HMGA2: variants seen among roughly 807,000 people sequenced by gnomAD.
HMGA2 encodes high mobility group protein HMGI-C.
A neutral mutation model predicts 19.1 loss-of-function variants in HMGA2; 8 were observed. The observed-to-expected ratio is 0.42, with a 90% CI of 0.25 to 0.76. HMGA2 has a LOEUF of 0.76. HMGA2 is among the 30% of genes least tolerant of loss of function. The pLI is 0.28. For missense variants in HMGA2, 109 were observed against 136.3 expected (o/e 0.80, Z 1.00); for synonymous variants, 60 against 48.8 (o/e 1.23, Z -0.96).
Position 65,825,343 on chromosome 12 carries a change from C to A in HMGA2, c.73C>A (p.Gln25Lys). 1 of 1,538,300 alleles carries A rather than the reference C, an allele frequency of 6.5e-7. No individual in the cohort carries two copies. Among genetic ancestry groups the A allele is most frequent in the South Asian group, 1.2e-5 (1 of 83,210 alleles). The change falls in exon 1 of 5, where the codon CAG becomes AAG. Residue 25 changes from glutamine (Q) to lysine (K), a missense_variant. Coordinates refer to ENST00000403681, the MANE Select transcript of HMGA2 (RefSeq NM_003483.6). The surrounding 1 kb of genome is among the most constrained non-coding windows in gnomAD (Gnocchi z 4.4). The stretch of plus-strand genomic sequence containing the variant: ...GGGACAACCTGCCGCCCCAGCGCCT[C>A]AGAAGAGAGGACGCGGCCGCCCCAG... ...AQGQPAAPAPQKRGRGRPRKQ... is the reference protein window; with the variant it reads ...AQGQPAAPAPKKRGRGRPRKQ...
intron 4 of HMGA2, chr12:65,958,690 G>A (rs1185418759): frequency 6.6e-6 from 1 of 152,144 alleles, no homozygotes; most frequent in Admixed American, 6.5e-5. Flanking sequence ...TTCCTGAGAA[G>A]TTGAACATAC....
At chr12:65,917,613 AAAACAGGCAG>A (rs1184496595) in intron 3 of HMGA2, among the ~76,000 whole-genome samples, 5 of 152,184 alleles carry the variant, frequency 3.3e-5, no homozygotes, top group Non-Finnish European at 5.9e-5. Flanking sequence ...CCAAACACAT[AAAACAGGCAG>A]AAGGGAGAAA....
At chr12:65,912,159 A>C (rs1874873707) in intron 3 of HMGA2, among the ~76,000 whole-genome samples, 1 of 152,178 alleles carries the variant, frequency 6.6e-6, no homozygotes, top group Non-Finnish European at 1.5e-5. Context: ...TACTTCACAG[A>C]ATGATTCTTC....
chr12:65,854,844 A>G (rs1192829349), intron 3 of HMGA2, among the ~76,000 whole-genome samples: 1 of 152,210 alleles, frequency 6.6e-6, no homozygotes, highest in Non-Finnish European at 1.5e-5. Context: ...GACTGTAGGA[A>G]TGTGGGGAGA....
chr12:65,926,387 C>T (rs1242995787), intron 3 of HMGA2, among the ~76,000 whole-genome samples: 3 of 152,196 alleles, frequency 2.0e-5, no homozygotes, highest in African/African-American at 7.2e-5. Flanking sequence ...AGTAGTTTTG[C>T]AAATTAAGTG....
chr12:65,858,423 T>C (rs369439336), intron 3 of HMGA2: 6 of 152,302 alleles, frequency 3.9e-5, no homozygotes, highest in African/African-American at 1.4e-4. Flanking sequence ...GTTTCTGTTA[T>C]CAACTTCAAA....
chr12:65,891,704 GAC>G (rs1051970568), intron 3 of HMGA2, among the ~76,000 whole-genome samples: 7 of 152,194 alleles, frequency 4.6e-5, no homozygotes, highest in African/African-American at 1.7e-4. Context: ...AGAGAGAAGA[GAC>G]AGGACACTAG....
At chr12:65,838,706 G>A in intron 3 of HMGA2, 137 bp downstream of exon 3, 1 of 689,108 alleles carries the variant, frequency 1.5e-6, no homozygotes. Flanking sequence ...GTTAAGTCAA[G>A]AGACAAATTA....
intron 3 of HMGA2, among the ~76,000 whole-genome samples, chr12:65,903,794 CT>C (rs924871808): frequency 1.3e-5 from 2 of 152,166 alleles, no homozygotes; most frequent in Non-Finnish European, 2.9e-5. Context: ...TATGCCACGT[CT>C]TTTGGCTTTT....
chr12:65,833,134 G>A (rs532413226), intron 2 of HMGA2, among the ~76,000 whole-genome samples: 15 of 152,014 alleles, frequency 9.9e-5, no homozygotes, highest in Admixed American at 2.0e-4. Context: ...ATAGCAAATT[G>A]TAATGTCTCT....
chr12:65,861,280 C>T lies in HMGA2; in HGVS notation c.249+22711C>T, dbSNP rs367570536. ...ACTTGGGAGGCTGAGGCAGGAGAAT[C>T]GCTTGAACCTGGGAGGTGGAGGTTG... On this transcript the variant is annotated intron_variant, in intron 3 of 4. Coordinates refer to ENST00000403681, the MANE Select transcript of HMGA2 (RefSeq NM_003483.6). 1.4e-3 allele frequency among the ~76,000 whole-genome samples: 214 copies of T among 152,188 alleles called. 2 individuals carry two copies. Among genetic ancestry groups the T allele is most frequent in the African/African-American group, 4.8e-3 (200 of 41,540 alleles).
chr12:65,846,146 C>A (rs1359777980), intron 3 of HMGA2, among the ~76,000 whole-genome samples: 3 of 152,236 alleles, frequency 2.0e-5, no homozygotes, highest in African/African-American at 7.2e-5. Context: ...GCAGCCATGA[C>A]ACTGAAATTT....
chr12:65,842,243 C>A, intron 3 of HMGA2: 2 of 580,034 alleles, frequency 3.4e-6, no homozygotes, highest in Non-Finnish European at 6.0e-6. Context: ...CCAGTTTCCT[C>A]ATCTGCAAAA....
chr12:65,952,336 C>T lies in HMGA2; in HGVS notation c.282+921C>T, dbSNP rs981642231. The T allele has an allele frequency of 2.8e-5, 43 of 1,525,960 alleles. 1 individual carries two copies. In the African/African-American group the frequency reaches 5.2e-4, roughly 18 times the overall value. The allele number at this position is 1,525,960 out of a possible 1,614,324, so 94.5% of individuals were successfully genotyped here. A position where few individuals can be genotyped will look rare whatever the true frequency, so the allele number is the denominator to read the frequency against. On this transcript the variant is annotated intron_variant, in intron 4 of 4. Transcript: ENST00000403681. ...TCCCTAGAAGTCTTTACAAATCTAC[C>T]TTGCATCCTGTTTTCTTAGGTCAAT...
intron 4 of HMGA2, chr12:65,956,549 A>T (rs1422429257): frequency 6.6e-6 from 1 of 152,238 alleles, no homozygotes; most frequent in African/African-American, 2.4e-5. Flanking sequence ...TAATACAGGA[A>T]TATTGGCAGG....
At chr12:65,904,685 T>C (rs1196207130) in intron 3 of HMGA2, among the ~76,000 whole-genome samples, 1 of 152,198 alleles carries the variant, frequency 6.6e-6, no homozygotes, top group Non-Finnish European at 1.5e-5. Flanking sequence ...TGATACTAAT[T>C]ACTTATTTTA....
intron 3 of HMGA2, among the ~76,000 whole-genome samples, chr12:65,897,682 G>A (rs1874185631): frequency 6.6e-6 from 1 of 152,206 alleles, no homozygotes; most frequent in Non-Finnish European, 1.5e-5. Context: ...AAGAAAGGCC[G>A]GGCGTGGTGG....
At chr12:65,885,624 A>G (rs140538358) in intron 3 of HMGA2, among the ~76,000 whole-genome samples, 36 of 152,320 alleles carry the variant, frequency 2.4e-4, no homozygotes, top group Middle Eastern at 3.4e-3. Flanking sequence ...AACATGTTGG[A>G]AAATGGTTTA....
intron 3 of HMGA2, among the ~76,000 whole-genome samples, chr12:65,950,283 C>T (rs1677517790): frequency 6.6e-6 from 1 of 152,132 alleles, no homozygotes; most frequent in African/African-American, 2.4e-5. Context: ...TCATAATAGC[C>T]AAAGGGTGGA....
Sources: gnomAD v4.1 joint callset for allele counts (sites outside exome capture counted in the v4.1 genomes callset) on GRCh38, gnomAD v4.1.1 for gene constraint, Gnocchi (gnomAD v3.1) non-coding constraint, MANE v1.5 for transcripts, NCBI Gene and HGNC (gene_info 2026-07-23, HGNC 2026-07-21) for gene names.